RIPOR1: variants seen among roughly 807,000 people sequenced by gnomAD.
The protein encoded by RIPOR1 is RHO family interacting cell polarization regulator 1.
RIPOR1 carries 58 observed loss-of-function variants against 116.5 expected under a neutral mutation model. That is an observed-to-expected ratio of 0.50 (90% CI 0.40 to 0.62). The LOEUF (loss-of-function observed/expected upper bound fraction) is 0.62, where lower values mean the gene tolerates loss of function less well. Ranked by LOEUF, RIPOR1 falls within the 20% of genes least tolerant of loss-of-function variation. The pLI is 0.00. For missense variants in RIPOR1, 1,372 were observed against 1,586.2 expected, an observed-to-expected ratio of 0.86 and a Z score of 2.29; for synonymous variants, 605 against 650.0, an observed-to-expected ratio of 0.93 and a Z score of 1.05.
chr16:67,545,876 C>T lies in RIPOR1; in HGVS notation c.3387+16C>T. Reference sequence around the variant, plus strand: ...CCGGGAGAGGGTGAGTTGGACAGGGCTCCCTTGAGGGCGAGGGCTGGGGTC... The same window carrying T: ...CCGGGAGAGGGTGAGTTGGACAGGGTTCCCTTGAGGGCGAGGGCTGGGGTC... On this transcript the variant is annotated intron_variant, in intron 19 of 21. Coordinates refer to ENST00000042381, the MANE Select transcript of RIPOR1 (RefSeq NM_024519.4). The surrounding 1 kb of genome is among the most constrained non-coding windows in gnomAD (Gnocchi z 4.8). 2 of 1,609,580 alleles carry T rather than the reference C, an allele frequency of 1.2e-6. No homozygotes were observed. Among genetic ancestry groups the T allele is most frequent in the Non-Finnish European group, 1.7e-6 (2 of 1,177,354 alleles).
Position 67,529,808 on chromosome 16 carries a change from C to A in RIPOR1, c.-24+894C>A. The stretch of plus-strand genomic sequence containing the variant: ...CCTGCCGCATTCGGCCAACGCACAG[C>A]ATCTGAGGAGGGTTATGACCATCTG... On this transcript the variant is annotated intron_variant, in intron 1 of 21. Coordinates refer to ENST00000042381, the MANE Select transcript of RIPOR1 (RefSeq NM_024519.4). This position sits in a 1 kb window ranked among gnomAD's most constrained non-coding sequence, Gnocchi z 4.1. 6.5e-7 allele frequency: 1 copy of A among 1,535,988 alleles called. No homozygotes were observed. The highest frequency in any genetic ancestry group is 8.7e-7 in the Non-Finnish European group (1 of 1,146,880).
At chr16:67,522,623 C>T (rs1224627629) in intron 1 of RIPOR1, among the ~76,000 whole-genome samples, 1 of 152,196 alleles carries the variant, frequency 6.6e-6, no homozygotes, top group Non-Finnish European at 1.5e-5. Flanking sequence ...GCATGAGCCA[C>T]TGCATCCGGC....
At position 67,544,591 on chromosome 16, in the gene RIPOR1, T is replaced by C; in HGVS notation, c.2734-104T>C. ...TGCTGAATGGAGTATCTCCCAACTC[T>C]GCAACCCCAACCTCCCCCAGTGCAT... On this transcript the variant is annotated intron_variant, in intron 15 of 21. Coordinates refer to ENST00000042381, the MANE Select transcript of RIPOR1 (RefSeq NM_024519.4). This position sits in a 1 kb window ranked among gnomAD's most constrained non-coding sequence, Gnocchi z 5.1. The C allele has an allele frequency of 6.4e-7, 1 of 1,567,998 alleles. No homozygotes were observed. Among genetic ancestry groups the C allele is most frequent in the Non-Finnish European group, 8.7e-7 (1 of 1,155,142 alleles).
rs775250632 is a variant in RIPOR1, at chr16:67,545,937, A to C, written c.3388-12A>C. On this transcript the variant is annotated splice_polypyrimidine_tract_variant and intron_variant, in intron 19 of 21. Coordinates refer to ENST00000042381, the MANE Select transcript of RIPOR1 (RefSeq NM_024519.4). The surrounding 1 kb of genome is among the most constrained non-coding windows in gnomAD (Gnocchi z 4.8). ...ACTGTCTGGCTAAGTCTGTCCTCCC[A>C]CCCTTCCACAGGCCCTCCTGTGCTT... 6.2e-7 allele frequency: 1 copy of C among 1,613,538 alleles called. No individual in the cohort carries two copies. The highest frequency in any genetic ancestry group is 2.2e-5 in the East Asian group (1 of 44,848).
chr16:67,544,772 G>A lies in RIPOR1; in HGVS notation c.2811G>A (p.Leu937=). 1.2e-6 allele frequency: 2 copies of A among 1,608,630 alleles called. No individual in the cohort carries two copies. Among genetic ancestry groups the A allele is most frequent in the Non-Finnish European group, 1.7e-6 (2 of 1,176,100 alleles). ...GGCTGCTGCGGGAAGCCCGAGTACTGGAGGCAGTATGCGAGTTCAGCAGGC... is the reference window on the plus strand; with the variant it reads ...GGCTGCTGCGGGAAGCCCGAGTACTAGAGGCAGTATGCGAGTTCAGCAGGC... The part of the protein sequence containing the change: ...LERLLREARV[L]EAVCEFSRRW... The change falls in exon 16 of 22, where the codon CTG becomes CTA. Residue 937 remains leucine (L), a synonymous_variant. Coordinates refer to ENST00000042381, the MANE Select transcript of RIPOR1 (RefSeq NM_024519.4). This position sits in a 1 kb window ranked among gnomAD's most constrained non-coding sequence, Gnocchi z 5.1.
intron 1 of RIPOR1, among the ~76,000 whole-genome samples, chr16:67,522,015 C>T (rs2142389923): frequency 6.6e-6 from 1 of 150,458 alleles, no homozygotes; most frequent in East Asian, 1.9e-4. Flanking sequence ...TTCTCCACTC[C>T]ACCATGTTTT....
chr16:67,537,686 G>C lies in RIPOR1; in HGVS notation c.-23-738G>C. On this transcript the variant is annotated intron_variant, in intron 1 of 21. Transcript: ENST00000042381. This position sits in a 1 kb window ranked among gnomAD's most constrained non-coding sequence, Gnocchi z 4.6. ...GGGGGCCAGGAGTGTGTGTTTCGCC[G>C]AAGCGGGGTGGGGGTCTGCCGAGGA... 1.1e-6 allele frequency: 1 copy of C among 916,284 alleles called. No individual in the cohort carries two copies. Among genetic ancestry groups the C allele is most frequent in the African/African-American group, 1.7e-5 (1 of 58,000 alleles). 56.8% of individuals were successfully genotyped at this position (916,284 alleles called of 1,614,324 possible).
chr16:67,541,585 G>A lies in RIPOR1; in HGVS notation c.950+7G>A. On this transcript the variant is annotated splice_region_variant and intron_variant, in intron 11 of 21. Transcript: ENST00000042381. This position sits in a 1 kb window ranked among gnomAD's most constrained non-coding sequence, Gnocchi z 4.6. ...GCCTGGAAGTCACATGGAGGTTGGT[G>A]GGGCTGAGAGGCTTGGAGGAGGGCC... 6.2e-7 allele frequency: 1 copy of A among 1,614,004 alleles called. No homozygotes were observed. Among genetic ancestry groups the A allele is most frequent in the South Asian group, 1.1e-5 (1 of 91,068 alleles).
At chr16:67,538,955 G>A (rs2050890322) in intron 3 of RIPOR1, 35 bp from the exon 4 acceptor site, 2 of 1,613,190 alleles carry the variant, frequency 1.2e-6, no homozygotes, top group Non-Finnish European at 1.7e-6. Flanking sequence ...AGGCTGGAGA[G>A]CCGAGTTCAT....
chr16:67,543,449 CAAT>C lies in RIPOR1; in HGVS notation c.2581_2583del (p.Asn861del), dbSNP rs1264845817. 6 of 1,554,462 alleles carry C rather than the reference CAAT, an allele frequency of 3.9e-6. No individual in the cohort carries two copies. The highest frequency in any genetic ancestry group is 2.0e-5 in the Admixed American group (1 of 51,192). On this transcript the variant is annotated inframe_deletion, in exon 14 of 22. Coordinates refer to ENST00000042381, the MANE Select transcript of RIPOR1 (RefSeq NM_024519.4). This position sits in a 1 kb window ranked among gnomAD's most constrained non-coding sequence, Gnocchi z 4.7. ...TCCTCAATGAAGACGAAGATGAAGA[CAAT>C]GATGTTCCTGGGGACAGGTGAGGGG... is the stretch of plus-strand genomic sequence containing the variant.
At position 67,545,287 on chromosome 16, in the gene RIPOR1, C is replaced by T; in HGVS notation, c.3032-89C>T. Reference sequence around the variant, plus strand: ...ATGGGTGGGGTTTGAACAGGGGGCCCCTGGACCTGAGCCTGGGATAGGAGC... The same window carrying T: ...ATGGGTGGGGTTTGAACAGGGGGCCTCTGGACCTGAGCCTGGGATAGGAGC... On this transcript the variant is annotated intron_variant, in intron 17 of 21. Coordinates refer to ENST00000042381, the MANE Select transcript of RIPOR1 (RefSeq NM_024519.4). This position sits in a 1 kb window ranked among gnomAD's most constrained non-coding sequence, Gnocchi z 4.8. 6.5e-7 allele frequency: 1 copy of T among 1,550,146 alleles called. No individual in the cohort carries two copies. The highest frequency in any genetic ancestry group is 1.2e-5 in the South Asian group (1 of 83,258).
Position 67,531,778 on chromosome 16 carries a change from AG to A in RIPOR1, c.-24+2865del. On this transcript the variant is annotated intron_variant, in intron 1 of 21. Coordinates refer to ENST00000042381, the MANE Select transcript of RIPOR1 (RefSeq NM_024519.4). The surrounding 1 kb of genome is among the most constrained non-coding windows in gnomAD (Gnocchi z 4.2). ...GTCTGGGCTTTCTCCCTGGGACAAG[AG>A]TGGCTGTGGCTATTTCACATCAGTC... is the stretch of plus-strand genomic sequence containing the variant. The A allele has an allele frequency of 3.0e-6, 1 of 334,794 alleles. No individual in the cohort carries two copies. The highest frequency in any genetic ancestry group is 2.2e-5 in the South Asian group (1 of 45,142). The allele number at this position is 334,794 out of a possible 1,614,324, so 20.7% of individuals were successfully genotyped here.
At chr16:67,532,718 G>A (rs1258902913) in intron 1 of RIPOR1, among the ~76,000 whole-genome samples, 1 of 151,870 alleles carries the variant, frequency 6.6e-6, no homozygotes, top group African/African-American at 2.4e-5. Context: ...TCTCAGGTGC[G>A]AAGTGGAGCT....
Position 67,541,836 on chromosome 16 carries a change from T to A in RIPOR1, c.1081-31T>A, listed in dbSNP as rs1019358568. 6.2e-7 allele frequency: 1 copy of A among 1,612,560 alleles called. No homozygotes were observed. The highest frequency in any genetic ancestry group is 1.1e-5 in the South Asian group (1 of 91,062). On this transcript the variant is annotated intron_variant, in intron 12 of 21. Coordinates refer to ENST00000042381, the MANE Select transcript of RIPOR1 (RefSeq NM_024519.4). This position sits in a 1 kb window ranked among gnomAD's most constrained non-coding sequence, Gnocchi z 4.6. ...CCATCCCCCAGAGGCTCCCTGGGGG[T>A]GGTTCTGAAATGCCCTCTCCTCTTT...
Position 67,543,660 on chromosome 16 carries a change from G to A in RIPOR1, c.2600+191G>A, listed in dbSNP as rs995158024. ...TGTCCACCCCTCCCATGTCCTTCAT[G>A]CCCATGTCTCCAACCCTACGTGTGT... On this transcript the variant is annotated intron_variant, in intron 14 of 21. Coordinates refer to ENST00000042381, the MANE Select transcript of RIPOR1 (RefSeq NM_024519.4). This position sits in a 1 kb window ranked among gnomAD's most constrained non-coding sequence, Gnocchi z 4.7. 2.7e-6 allele frequency: 2 copies of A among 730,240 alleles called. No homozygotes were observed. Among genetic ancestry groups the A allele is most frequent in the South Asian group, 1.7e-5 (1 of 57,420 alleles). 45.2% of individuals were successfully genotyped at this position (730,240 alleles called of 1,614,324 possible).
Position 67,540,856 on chromosome 16 carries a change from G to A in RIPOR1, c.801+152G>A, listed in dbSNP as rs546682231. 1.2e-4 allele frequency: 102 copies of A among 878,704 alleles called. No individual in the cohort carries two copies. Among genetic ancestry groups the A allele is most frequent in the Non-Finnish European group, 1.7e-4 (96 of 564,274 alleles). The allele number at this position is 878,704 out of a possible 1,614,324, so 54.4% of individuals were successfully genotyped here. On this transcript the variant is annotated intron_variant, in intron 10 of 21. Coordinates refer to ENST00000042381, the MANE Select transcript of RIPOR1 (RefSeq NM_024519.4). The surrounding 1 kb of genome is among the most constrained non-coding windows in gnomAD (Gnocchi z 4.7). ...TGACCTTCATGATCTCTGTGGCCCT[G>A]AGAGGAACAATCTTTGTGACTCTTA...
In RIPOR1 at chr16:67,543,306, G is replaced by A; in HGVS notation, c.2478+42G>A. 2 of 1,606,468 alleles carry A rather than the reference G, an allele frequency of 1.2e-6. No individual in the cohort carries two copies. Among genetic ancestry groups the A allele is most frequent in the African/African-American group, 1.3e-5 (1 of 75,002 alleles). On this transcript the variant is annotated intron_variant, in intron 13 of 21. Coordinates refer to ENST00000042381, the MANE Select transcript of RIPOR1 (RefSeq NM_024519.4). This position sits in a 1 kb window ranked among gnomAD's most constrained non-coding sequence, Gnocchi z 4.7. ...TGGGCTAGGGCAACCAGGGAGGGCA[G>A]CCAGGGGGCGGCAGCCGCTCTGATG...
Position 67,537,634 on chromosome 16 carries a change from T to C in RIPOR1, c.-23-790T>C. 7.5e-7 allele frequency: 1 copy of C among 1,341,940 alleles called. No homozygotes were observed. The allele number at this position is 1,341,940 out of a possible 1,614,324, so 83.1% of individuals were successfully genotyped here. A position where few individuals can be genotyped will look rare whatever the true frequency, so the allele number is the denominator to read the frequency against. Reference sequence around the variant, plus strand: ...CTCGGGGCTGCGAAAGCTCAGGGACTGGCCCCAGGGGAAGCAGGCCGGGTT... The same window carrying C: ...CTCGGGGCTGCGAAAGCTCAGGGACCGGCCCCAGGGGAAGCAGGCCGGGTT... On this transcript the variant is annotated intron_variant, in intron 1 of 21. Coordinates refer to ENST00000042381, the MANE Select transcript of RIPOR1 (RefSeq NM_024519.4). The surrounding 1 kb of genome is among the most constrained non-coding windows in gnomAD (Gnocchi z 4.6).
chr16:67,537,431 A>G lies in RIPOR1; in HGVS notation c.-23-993A>G. On this transcript the variant is annotated intron_variant, in intron 1 of 21. Transcript: ENST00000042381. The surrounding 1 kb of genome is among the most constrained non-coding windows in gnomAD (Gnocchi z 4.6). ...CAGGCGGGCTGAGTCAGGCGGCAGG[A>G]ACTGGGCGGGGGGCGGCGCCGGGAG... 8.1e-7 allele frequency: 1 copy of G among 1,240,196 alleles called. No homozygotes were observed. The highest frequency in any genetic ancestry group is 1.0e-6 in the Non-Finnish European group (1 of 991,378). The allele number at this position is 1,240,196 out of a possible 1,614,324, so 76.8% of individuals were successfully genotyped here. A position where few individuals can be genotyped will look rare whatever the true frequency, so the allele number is the denominator to read the frequency against.
Sources: allele counts gnomAD v4.1 joint callset (sites outside exome capture counted in the v4.1 genomes callset), GRCh38; gene constraint gnomAD v4.1.1; non-coding constraint Gnocchi (gnomAD v3.1); transcripts MANE v1.5; gene names NCBI Gene and HGNC (gene_info 2026-07-23, HGNC 2026-07-21).